ZNF804B: variants seen among roughly 807,000 people sequenced by gnomAD.
ZNF804B encodes zinc finger protein 804B, also known as zinc finger 804B.
A neutral mutation model predicts 101.4 loss-of-function variants in ZNF804B; 80 were observed. That is an observed-to-expected ratio of 0.79 (90% CI 0.66 to 0.95). The LOEUF is 0.95. Ranked by LOEUF, ZNF804B falls within the 40% of genes least tolerant of loss-of-function variation. The pLI is 0.00. For missense variants in ZNF804B, 1,673 were observed against 1,561.9 expected (o/e 1.07, Z -1.20); for synonymous variants, 622 against 558.8 (o/e 1.11, Z -1.59).
rs1049601681 is a variant in ZNF804B at position 89,169,207 on chromosome 7, C to T, written c.109-48948C>T. Among the ~76,000 whole-genome samples the T allele has an allele frequency of 3.6e-4, 54 of 152,064 alleles. 2 individuals are homozygous for T. Among genetic ancestry groups the T allele is most frequent in the African/African-American group, 1.2e-3 (50 of 41,380 alleles). The stretch of plus-strand genomic sequence containing the variant: ...GGGAACAGCAGTGGTGGACAGTGAA[C>T]GAAACCTCAGCTCGAGCTGGAACAA... On this transcript the variant is annotated intron_variant, in intron 1 of 3. Coordinates refer to ENST00000333190, the MANE Select transcript of ZNF804B (RefSeq NM_181646.5).
intron 1 of ZNF804B, among the ~76,000 whole-genome samples, chr7:88,827,681 T>G (rs1295432249): frequency 2.0e-5 from 3 of 152,056 alleles, no homozygotes; most frequent in Non-Finnish European, 4.4e-5. Context: ...ATTTATCCAT[T>G]GCCCACCTCG....
At position 89,261,678 on chromosome 7, in the gene ZNF804B, G is replaced by A. The variant is rs1469600568; in HGVS notation, c.249+43383G>A. 2.0e-5 allele frequency among the ~76,000 whole-genome samples: 3 copies of A among 152,120 alleles called. No individual in the cohort carries two copies. In the South Asian group the frequency reaches 6.2e-4, roughly 32 times the overall value. ...TATATGGTATAGCCTGTTATCCCTA[G>A]GCTAAAAACCTGTACCACATGTCAT... On this transcript the variant is annotated intron_variant, in intron 2 of 3. Transcript: ENST00000333190.
At chr7:89,223,683 C>A (rs1266924355) in intron 2 of ZNF804B, among the ~76,000 whole-genome samples, 32 of 144,932 alleles carry the variant, frequency 2.2e-4, no homozygotes, top group African/African-American at 6.8e-4. Context: ...GACCTGTCTC[C>A]AAAAAAAAAA....
intron 1 of ZNF804B, among the ~76,000 whole-genome samples, chr7:88,927,872 C>T (rs949808276): frequency 1.3e-5 from 2 of 151,950 alleles, no homozygotes; most frequent in Non-Finnish European, 2.9e-5. Flanking sequence ...TTTTTTTAGC[C>T]ATGCATGTTT....
chr7:89,114,671 GA>G (rs1583994793), intron 1 of ZNF804B, among the ~76,000 whole-genome samples: 1 of 152,104 alleles, frequency 6.6e-6, no homozygotes, highest in African/African-American at 2.4e-5. Flanking sequence ...GAAAAGGCCT[GA>G]AAAAACAGAA....
rs570589389 is a variant in ZNF804B at position 88,846,782 on chromosome 7, A to G, written c.108+86698A>G. Among the ~76,000 whole-genome samples, 6 of 152,182 alleles carry G rather than the reference A, an allele frequency of 3.9e-5. No individual in the cohort carries two copies. In the South Asian group the frequency reaches 8.3e-4, roughly 21 times the overall value. On this transcript the variant is annotated intron_variant, in intron 1 of 3. Transcript: ENST00000333190. ...GTCTATATGTGAGACTATCATATAT[A>G]TGTATATATGTGTGTATATATGTCT...
At chr7:89,220,120 TATATACGCACAC>T (rs2115706638) in intron 2 of ZNF804B, among the ~76,000 whole-genome samples, 8 of 141,134 alleles carry the variant, frequency 5.7e-5, no homozygotes, top group African/African-American at 2.0e-4. Flanking sequence ...TATATACATA[TATATACGCACAC>T]ATATATGTGT....
intron 1 of ZNF804B, among the ~76,000 whole-genome samples, chr7:89,057,093 A>C (rs1386048965): frequency 5.9e-5 from 9 of 152,106 alleles, no homozygotes; most frequent in Non-Finnish European, 1.0e-4. Context: ...GAGTCCAAAA[A>C]ACATCTTAAG....
intron 1 of ZNF804B, among the ~76,000 whole-genome samples, chr7:89,000,890 A>T (rs927444771): frequency 1.3e-5 from 2 of 148,626 alleles, no homozygotes; most frequent in Admixed American, 6.8e-5. Flanking sequence ...TATATGCCAC[A>T]ATATATATTC....
rs866906405 is a variant in ZNF804B, at chr7:88,877,027, A to T, written c.108+116943A>T. ...AAAAAAATATATATATATATATATA[A>T]TATATATATATATATATATATATTT... On this transcript the variant is annotated intron_variant, in intron 1 of 3. Transcript: ENST00000333190. Among the ~76,000 whole-genome samples, 277 of 28,588 alleles carry T rather than the reference A, an allele frequency of 9.7e-3. 5 individuals carry two copies. The highest frequency in any genetic ancestry group is 0.028 in the African/African-American group (98 of 3,502). The allele number at this position is 28,588 out of a possible 152,430, so 18.8% of individuals were successfully genotyped here.
At chr7:89,203,049 A>C (rs1053951747) in intron 1 of ZNF804B, among the ~76,000 whole-genome samples, 1 of 152,008 alleles carries the variant, frequency 6.6e-6, no homozygotes, top group Non-Finnish European at 1.5e-5. Context: ...ACTCACACAA[A>C]TGCACATACA....
intron 1 of ZNF804B, among the ~76,000 whole-genome samples, chr7:89,047,670 A>T (rs761435212): frequency 6.6e-6 from 1 of 152,176 alleles, no homozygotes; most frequent in Non-Finnish European, 1.5e-5. Flanking sequence ...CACATGTGCA[A>T]TTGAGCTTCA....
chr7:89,281,738 A>G (rs1273421236), intron 2 of ZNF804B, among the ~76,000 whole-genome samples: 1 of 152,172 alleles, frequency 6.6e-6, no homozygotes, highest in Non-Finnish European at 1.5e-5. Context: ...TAGTGGTTGG[A>G]TCATTGTCTA....
At chr7:89,216,007 A>G (rs369838942) in intron 1 of ZNF804B, among the ~76,000 whole-genome samples, 4 of 151,974 alleles carry the variant, frequency 2.6e-5, no homozygotes, top group East Asian at 3.9e-4. Context: ...CATGAAAAAT[A>G]AATAAATAAA....
In ZNF804B at chr7:89,337,022, A is replaced by C. The variant is rs757831409; in HGVS notation, c.4040A>C (p.His1347Pro). The C allele has an allele frequency of 4.3e-6, 7 of 1,613,034 alleles. No homozygotes were observed. Reference protein sequence around the residue: ...EVKEALNVSTHLN With the variant: ...EVKEALNVSTPLN ...AAAGAGGCCTTAAATGTGTCCACAC[A>C]CTTGAACTAATAAGTGTTAAAGCCC... The change falls in exon 4 of 4, where the codon CAC (histidine) becomes CCC (proline). Residue 1347 changes from histidine (H) to proline (P), a missense_variant. His to Pro is a moderately conservative substitution (Grantham distance 77). Coordinates refer to ENST00000333190, the MANE Select transcript of ZNF804B (RefSeq NM_181646.5).
At chr7:89,128,299 A>G (rs1790502756) in intron 1 of ZNF804B, among the ~76,000 whole-genome samples, 1 of 151,954 alleles carries the variant, frequency 6.6e-6, no homozygotes, top group Non-Finnish European at 1.5e-5. Context: ...CTGGATCTTC[A>G]TTAATAAATT....
At position 88,958,607 on chromosome 7, in the gene ZNF804B, G is replaced by T. The variant is rs116992875; in HGVS notation, c.108+198523G>T. On this transcript the variant is annotated intron_variant, in intron 1 of 3. Transcript: ENST00000333190. ...TCTTAAAATGGCTGGCCACCTTGTGGCTCACCATATGTGTGATTATAATAT... is the reference window on the plus strand; with the variant it reads ...TCTTAAAATGGCTGGCCACCTTGTGTCTCACCATATGTGTGATTATAATAT... Among the ~76,000 whole-genome samples, 294 of 151,506 alleles carry T rather than the reference G, an allele frequency of 1.9e-3. 1 individual carries two copies. The highest frequency in any genetic ancestry group is 3.4e-3 in the Non-Finnish European group (228 of 67,616).
At chr7:89,311,461 T>G (rs1790649494) in intron 2 of ZNF804B, among the ~76,000 whole-genome samples, 1 of 152,124 alleles carries the variant, frequency 6.6e-6, no homozygotes, top group Non-Finnish European at 1.5e-5. Context: ...GTATAGACTG[T>G]GATGGAATGC....
rs751318170 is a variant in ZNF804B at position 89,334,401 on chromosome 7, T to C, written c.1419T>C (p.Tyr473=). 3.1e-6 allele frequency: 5 copies of C among 1,613,784 alleles called. No homozygotes were observed. Among genetic ancestry groups the C allele is most frequent in the East Asian group, 2.2e-5 (1 of 44,850 alleles). ...CAAAAACAGAACCCTGTATCTCTTATGGCTGCAACCCACTGTATTTTGATT... is the reference window on the plus strand; with the variant it reads ...CAAAAACAGAACCCTGTATCTCTTACGGCTGCAACCCACTGTATTTTGATT... The part of the protein sequence containing the change: ...LFTKTEPCIS[Y]GCNPLYFDFK... Residue 473 remains tyrosine (Y), a synonymous_variant, in exon 4 of 4, where the codon TAT becomes TAC. Transcript: ENST00000333190.
Sources: gnomAD v4.1 joint callset for allele counts (sites outside exome capture counted in the v4.1 genomes callset) on GRCh38, gnomAD v4.1.1 for gene constraint, MANE v1.5 for transcripts, NCBI Gene and HGNC (gene_info 2026-07-23, HGNC 2026-07-21) for gene names.